The following CSNK1A1 variants were observed in gnomAD, a reference collection of about 807,000 sequenced individuals.
The protein encoded by CSNK1A1 is casein kinase 1 alpha 1.
Under a neutral mutation model 46.1 loss-of-function variants are expected in CSNK1A1, and 7 were observed. That is an observed-to-expected ratio of 0.15 (90% CI 0.09 to 0.29). The LOEUF (loss-of-function observed/expected upper bound fraction) is 0.29, where lower values mean the gene tolerates loss of function less well. CSNK1A1 is among the 10% of genes least tolerant of loss of function. The pLI is 1.00. For missense variants in CSNK1A1, 96 were observed against 417.1 expected, an observed-to-expected ratio of 0.23 and a Z score of 6.71; for synonymous variants, 137 against 141.5, an observed-to-expected ratio of 0.97 and a Z score of 0.23.
At position 149,550,621 on chromosome 5, in the gene CSNK1A1, T is replaced by C. The variant is rs1038498195; in HGVS notation, c.123+221A>G. Among the ~76,000 whole-genome samples the C allele has an allele frequency of 6.6e-6, 1 of 151,322 alleles. No individual in the cohort carries two copies. Among genetic ancestry groups the C allele is most frequent in the Non-Finnish European group, 1.5e-5 (1 of 67,896 alleles). On this transcript the variant is annotated intron_variant, in intron 1 of 9. Coordinates refer to ENST00000377843, the MANE Select transcript of CSNK1A1 (RefSeq NM_001892.6). The surrounding 1 kb of genome is among the most constrained non-coding windows in gnomAD (Gnocchi z 4.3). ...ACTAAGGGACATTTATGGGACGTGT[T>C]TAACAAGGTGGGAAACTAGTTCCCC...
At chr5:149,544,167 G>A (rs1762389962) in intron 2 of CSNK1A1, among the ~76,000 whole-genome samples, 1 of 152,162 alleles carries the variant, frequency 6.6e-6, no homozygotes, top group African/African-American at 2.4e-5. Context: ...CAAAAGAAGG[G>A]TAGGCAGCCC....
At chr5:149,503,240 G>C (rs1382014661) in intron 9 of CSNK1A1, 1 of 985,314 alleles carries the variant, frequency 1.0e-6, no homozygotes, top group African/African-American at 1.7e-5. Context: ...TAGAAGTTAG[G>C]GGAATATGTT....
At chr5:149,542,640 GTATATATATATATATATATATATATATA>G (rs1311690619) in intron 2 of CSNK1A1, among the ~76,000 whole-genome samples, 3,118 of 13,028 alleles carry the variant, frequency 0.24, 491 homozygotes, top group African/African-American at 0.34. Context: ...ATATATATAT[GTATATATATATATATATATATATATATA>G]TATGTATATA....
intron 7 of CSNK1A1, among the ~76,000 whole-genome samples, chr5:149,509,574 T>C (rs1761150046): frequency 6.6e-6 from 1 of 152,248 alleles, no homozygotes; most frequent in African/African-American, 2.4e-5. Flanking sequence ...CTAATTTTTG[T>C]ATTTTTGGTA....
At chr5:149,542,822 A>G (rs1321496722) in intron 2 of CSNK1A1, among the ~76,000 whole-genome samples, 1 of 147,458 alleles carries the variant, frequency 6.8e-6, no homozygotes, top group Non-Finnish European at 1.5e-5. Flanking sequence ...CAGCCTCCCA[A>G]GTAGCTGGGA....
intron 9 of CSNK1A1, chr5:149,498,130 C>T (rs1760715228): frequency 1.0e-6 from 1 of 985,298 alleles, no homozygotes; most frequent in Non-Finnish European, 1.2e-6. Flanking sequence ...CCGTGCCCAG[C>T]TTCTTTTACT....
At chr5:149,502,408 A>G in intron 9 of CSNK1A1, 3 of 655,512 alleles carry the variant, frequency 4.6e-6, no homozygotes, top group Non-Finnish European at 5.6e-6. Context: ...TGGCATGATC[A>G]CAGCTCTCAT....
Position 149,495,764 on chromosome 5 carries a change from G to GA in CSNK1A1, c.*1088dup, listed in dbSNP as rs1245099486. 1 of 105,756 alleles carries GA rather than the reference G, an allele frequency of 9.5e-6. No homozygotes were observed. The highest frequency in any genetic ancestry group is 2.0e-5 in the Non-Finnish European group (1 of 49,350). 6.6% of individuals were successfully genotyped at this position (105,756 alleles called of 1,614,324 possible). On this transcript the variant is annotated 3_prime_UTR_variant, in exon 10 of 10. Coordinates refer to ENST00000377843, the MANE Select transcript of CSNK1A1 (RefSeq NM_001892.6). ...AGTCATAAAAAAAAAAAAAAAAAAAGAAAAAAATGAAAGAATGCCTTTCCC... is the reference window on the plus strand; with the variant it reads ...AGTCATAAAAAAAAAAAAAAAAAAAGAAAAAAAATGAAAGAATGCCTTTCCC...
chr5:149,534,282 G>C (rs777332035), intron 2 of CSNK1A1, among the ~76,000 whole-genome samples: 22 of 151,862 alleles, frequency 1.4e-4, no homozygotes, highest in South Asian at 8.3e-4. Context: ...GAGAGATCGA[G>C]ACCATCCTGG....
intron 2 of CSNK1A1, among the ~76,000 whole-genome samples, chr5:149,538,065 C>G (rs1040383264): frequency 7.2e-6 from 1 of 138,992 alleles, no homozygotes; most frequent in African/African-American, 2.7e-5. Flanking sequence ...TCTTGTTGCC[C>G]GGGCTGGAGT....
chr5:149,520,925 AAAT>A (rs2113115524), intron 3 of CSNK1A1, among the ~76,000 whole-genome samples: 1 of 152,342 alleles, frequency 6.6e-6, no homozygotes, highest in East Asian at 1.9e-4. Flanking sequence ...TCCAAAAGTT[AAAT>A]ATTAAACATG....
In CSNK1A1 at chr5:149,525,692, A is replaced by G. The variant is rs141549601; in HGVS notation, c.231-521T>C. Among the ~76,000 whole-genome samples the G allele has an allele frequency of 3.9e-5, 6 of 152,358 alleles. No homozygotes were observed. Among genetic ancestry groups the G allele is most frequent in the African/African-American group, 1.4e-4 (6 of 41,586 alleles). ...GGCTTCAGATCACAGAAAATAACCCATATAACACAAGGTAATGACATTTAT... is the reference window on the plus strand; with the variant it reads ...GGCTTCAGATCACAGAAAATAACCCGTATAACACAAGGTAATGACATTTAT... On this transcript the variant is annotated intron_variant, in intron 2 of 9. Coordinates refer to ENST00000377843, the MANE Select transcript of CSNK1A1 (RefSeq NM_001892.6). This position sits in a 1 kb window ranked among gnomAD's most constrained non-coding sequence, Gnocchi z 4.2.
chr5:149,498,248 T>C (rs1464593540), intron 9 of CSNK1A1: 3 of 985,070 alleles, frequency 3.0e-6, no homozygotes, highest in South Asian at 4.7e-5. Flanking sequence ...TGGGAAATAA[T>C]AGCGAACATA....
intron 9 of CSNK1A1, among the ~76,000 whole-genome samples, chr5:149,499,691 G>T (rs1018552415): frequency 6.6e-6 from 1 of 151,612 alleles, no homozygotes; most frequent in Admixed American, 6.6e-5. Context: ...GGGCTCAGGA[G>T]ATCCTACCAC....
At chr5:149,523,685 T>A (rs2113123494) in intron 3 of CSNK1A1, among the ~76,000 whole-genome samples, 1 of 152,356 alleles carries the variant, frequency 6.6e-6, no homozygotes, top group East Asian at 1.9e-4. Flanking sequence ...CAAAGTTTTT[T>A]CATTGATCTA....
chr5:149,549,899 A>G (rs1762602309), intron 2 of CSNK1A1, among the ~76,000 whole-genome samples, 176 bp downstream of exon 2: 1 of 152,224 alleles, frequency 6.6e-6, no homozygotes, highest in Non-Finnish European at 1.5e-5. Flanking sequence ...ATAAGTTGGC[A>G]AACTGAAATT....
At chr5:149,504,007 A>G (rs1760952899) in intron 9 of CSNK1A1, 16 of 985,444 alleles carry the variant, frequency 1.6e-5, no homozygotes, top group Non-Finnish European at 1.9e-5. Context: ...GGTCTTACCT[A>G]AAATGGTAGG....
intron 2 of CSNK1A1, among the ~76,000 whole-genome samples, chr5:149,529,279 T>G (rs1246375015): frequency 6.6e-6 from 1 of 152,186 alleles, no homozygotes; most frequent in Non-Finnish European, 1.5e-5. Context: ...CAACCATTAT[T>G]ACTTACTTAC....
intron 9 of CSNK1A1, among the ~76,000 whole-genome samples, chr5:149,499,501 T>A (rs551061483): frequency 1.8e-4 from 28 of 152,056 alleles, no homozygotes; most frequent in Non-Finnish European, 4.0e-4. Flanking sequence ...GTGGCTCACA[T>A]CTATAATGCT....
Sources: gnomAD v4.1 joint callset for allele counts (sites outside exome capture counted in the v4.1 genomes callset) on GRCh38, gnomAD v4.1.1 for gene constraint, Gnocchi (gnomAD v3.1) non-coding constraint, MANE v1.5 for transcripts, NCBI Gene and HGNC (gene_info 2026-07-23, HGNC 2026-07-21) for gene names.